The following HIF3A variants were observed in gnomAD, a reference collection of about 807,000 sequenced individuals.
The protein encoded by HIF3A is hypoxia inducible factor 3 subunit alpha, also known as hypoxia-inducible factor 3-alpha.
HIF3A carries 41 observed loss-of-function variants against 67.2 expected under a neutral mutation model. The observed-to-expected ratio is 0.61, with a 90% confidence interval of 0.48 to 0.79. The LOEUF is 0.79. Among genes scored for constraint, HIF3A ranks in the 30% least tolerant of loss-of-function variants. HIF3A has a pLI of 0.00. For missense variants in HIF3A, 855 were observed against 898.0 expected, an observed-to-expected ratio of 0.95 and a Z score of 0.61; for synonymous variants, 356 against 374.8, an observed-to-expected ratio of 0.95 and a Z score of 0.58.
intron 6 of HIF3A, 53 bp downstream of exon 6, chr19:46,309,412 C>T: frequency 8.9e-7 from 1 of 1,121,550 alleles, no homozygotes; most frequent in Non-Finnish European, 1.3e-6. Flanking sequence ...TGTTTCCCTC[C>T]CCACCTCCAC....
intron 3 of HIF3A, among the ~76,000 whole-genome samples, chr19:46,306,036 AC>A (rs1968820574): frequency 6.6e-6 from 1 of 152,128 alleles, no homozygotes; most frequent in South Asian, 2.1e-4. Flanking sequence ...CCAAGATTGC[AC>A]CAGTACACTC....
intron 8 of HIF3A, among the ~76,000 whole-genome samples, chr19:46,314,356 A>T (rs1425048595): frequency 1.4e-5 from 2 of 143,150 alleles, no homozygotes; most frequent in Non-Finnish European, 3.0e-5. Context: ...GCAAAAAAAG[A>T]AAAACAGAAA....
At chr19:46,308,331 C>T (rs749576536) in intron 4 of HIF3A, 26 bp downstream of exon 4, 24 of 1,449,724 alleles carry the variant, frequency 1.7e-5, no homozygotes, top group African/African-American at 1.4e-4. Context: ...GCCTCTGTCC[C>T]CACCATACAG....
chr19:46,308,456 A>C (rs1482429905), intron 4 of HIF3A, 151 bp downstream of exon 4: 2 of 652,396 alleles, frequency 3.1e-6, no homozygotes, highest in African/African-American at 1.8e-5. Context: ...TATGGGGACA[A>C]AGACCCTGCC....
intron 8 of HIF3A, among the ~76,000 whole-genome samples, chr19:46,319,166 T>C (rs985263139): frequency 6.6e-6 from 1 of 152,162 alleles, no homozygotes; most frequent in African/African-American, 2.4e-5. Flanking sequence ...CTCAGGTGTA[T>C]GTGAGCGCTC....
In HIF3A at chr19:46,297,185, G is replaced by T; in HGVS notation, c.26+83G>T. ...CCTGAGCTGGATTGTTGGGGGGGGT[G>T]GGGTTCGCGGGTGCGAGCCAAGAAC... is the stretch of plus-strand genomic sequence containing the variant. On this transcript the variant is annotated intron_variant, in intron 1 of 14. Coordinates refer to ENST00000377670, the MANE Select transcript of HIF3A (RefSeq NM_152795.4). The surrounding 1 kb of genome is among the most constrained non-coding windows in gnomAD (Gnocchi z 4.5). The T allele has an allele frequency of 1.4e-6, 1 of 735,710 alleles. No individual in the cohort carries two copies. Among genetic ancestry groups the T allele is most frequent in the East Asian group, 3.5e-5 (1 of 28,968 alleles). 45.6% of individuals were successfully genotyped at this position (735,710 alleles called of 1,614,324 possible).
At chr19:46,324,961 C>CATATATATATACATATATATAT (rs746767083) in intron 10 of HIF3A, among the ~76,000 whole-genome samples, 1 of 133,198 alleles carries the variant, frequency 7.5e-6, no homozygotes, top group African/African-American at 2.9e-5. Flanking sequence ...TATATATACA[C>CATATATATATACATATATATAT]ATACACACAC....
Position 46,321,746 on chromosome 19 carries a change from G to A in HIF3A, c.1145-30G>A, listed in dbSNP as rs377405459. On this transcript the variant is annotated intron_variant, in intron 9 of 14. Coordinates refer to ENST00000377670, the MANE Select transcript of HIF3A (RefSeq NM_152795.4). ...GCCCTTGGCCCTCAGTCACCAGCCC[G>A]TGTCCTCCCCATCTCCATGTGTCCT... 86 of 1,599,476 alleles carry A rather than the reference G, an allele frequency of 5.4e-5. No homozygotes were observed. In the South Asian group the frequency reaches 6.3e-4, roughly 12 times the overall value.
intron 8 of HIF3A, among the ~76,000 whole-genome samples, chr19:46,318,540 T>G (rs1181307654): frequency 9.9e-6 from 1 of 100,642 alleles, no homozygotes; most frequent in South Asian, 4.2e-4. Context: ...GAGAGTGAGA[T>G]CCTGTCTCAA....
chr19:46,310,757 G>GTTTTTTTTTTTTTTTTTTTTTT (rs1568512415), intron 6 of HIF3A: 1 of 324,638 alleles, frequency 3.1e-6, no homozygotes, highest in African/African-American at 2.2e-5. Context: ...ATTACTTTTT[G>GTTTTTTTTTTTTTTTTTTTTTT]TTGTTGTTGT....
chr19:46,312,730 T>TGTGTGTGC (rs1969556974), intron 8 of HIF3A, 77 bp downstream of exon 8: 7 of 1,508,424 alleles, frequency 4.6e-6, no homozygotes, highest in Non-Finnish European at 6.2e-6. Context: ...TGTGTGTGTG[T>TGTGTGTGC]GTGTGTGCGT....
chr19:46,300,996 C>T (rs953094584), intron 1 of HIF3A, among the ~76,000 whole-genome samples: 1 of 152,106 alleles, frequency 6.6e-6, no homozygotes, highest in Non-Finnish European at 1.5e-5. Flanking sequence ...TGTCGGGCCC[C>T]CAGCTCCGTG....
chr19:46,314,201 A>G (rs1362877285), intron 8 of HIF3A, among the ~76,000 whole-genome samples: 1 of 148,284 alleles, frequency 6.7e-6, no homozygotes, highest in Non-Finnish European at 1.5e-5. Flanking sequence ...GTTATATAGT[A>G]AGTGTATATT....
chr19:46,312,259 T>TC lies in HIF3A; in HGVS notation c.871dup (p.His291ProfsTer86), dbSNP rs1212930903. On this transcript the variant is annotated frameshift_variant, in exon 7 of 15. Coordinates refer to ENST00000377670, the MANE Select transcript of HIF3A (RefSeq NM_152795.4). LOFTEE classifies it high-confidence loss of function. ...GACTCCGATGCGGTCAGCAAGAGCA[T>TC]CCACACCTGTATGTATCCCATTTCC... The TC allele has an allele frequency of 1.9e-6, 3 of 1,613,738 alleles. No individual in the cohort carries two copies. The highest frequency in any genetic ancestry group is 2.5e-6 in the Non-Finnish European group (3 of 1,179,944).
At chr19:46,322,009 A>G (rs775055761) in intron 10 of HIF3A, 43 bp downstream of exon 10, 2 of 1,595,490 alleles carry the variant, frequency 1.3e-6, no homozygotes, top group Non-Finnish European at 1.7e-6. Flanking sequence ...TCCAGTGCTC[A>G]GTCCCTCAGG....
chr19:46,305,204 A>G (rs746302450), intron 2 of HIF3A, 41 bp from the exon 3 acceptor site: 1 of 1,612,966 alleles, frequency 6.2e-7, no homozygotes, highest in South Asian at 1.1e-5. Context: ...TCAGACCATA[A>G]CTGACTAGAG....
In HIF3A at chr19:46,303,992, C is replaced by G. The variant is rs1262659495; in HGVS notation, c.121C>G (p.Leu41Val). The G allele has an allele frequency of 6.3e-7, 1 of 1,599,464 alleles. No individual in the cohort carries two copies. Among genetic ancestry groups the G allele is most frequent in the South Asian group, 1.1e-5 (1 of 88,484 alleles). ...TEVLYQLAHT[L>V]PFARGVSAHL... Reference sequence around the variant, plus strand: ...GGTGCTGTACCAGCTGGCTCACACGCTGCCCTTCGCCCGCGGCGTCAGCGC... The same window carrying G: ...GGTGCTGTACCAGCTGGCTCACACGGTGCCCTTCGCCCGCGGCGTCAGCGC... The change falls in exon 2 of 15, where the codon CTG (leucine) becomes GTG (valine). Residue 41 changes from leucine to valine, a missense_variant. This residue lies in a region of HIF3A where 638 missense variants were observed against 660.5 expected (regional missense o/e 0.97). Coordinates refer to ENST00000377670, the MANE Select transcript of HIF3A (RefSeq NM_152795.4).
rs1333581493 is a variant in HIF3A, at chr19:46,329,375, C to A, written c.1609C>A (p.Pro537Thr). The A allele has an allele frequency of 1.2e-6, 2 of 1,612,226 alleles. No homozygotes were observed. Among genetic ancestry groups the A allele is most frequent in the African/African-American group, 1.3e-5 (1 of 74,920 alleles). ...TGGCCTGTCACCTCCAGCCCTTGAGCCCTCCCTGCTACCCCGCTGGGGGAG... is the reference window on the plus strand; with the variant it reads ...TGGCCTGTCACCTCCAGCCCTTGAGACCTCCCTGCTACCCCGCTGGGGGAG... ...FHGLSPPALE[P>T]SLLPRWGSDP... The change falls in exon 12 of 15, where the codon CCC becomes ACC. Residue 537 changes from proline to threonine, a missense_variant. Physicochemically the swap from Pro to Thr is conservative, Grantham distance 38. Transcript: ENST00000377670.
intron 1 of HIF3A, among the ~76,000 whole-genome samples, chr19:46,302,692 A>C (rs1399923530): frequency 6.6e-6 from 1 of 152,134 alleles, no homozygotes; most frequent in Non-Finnish European, 1.5e-5. Context: ...TGGGCAACAA[A>C]ATGACACACT....
Sources: gnomAD v4.1 joint callset for allele counts (sites outside exome capture counted in the v4.1 genomes callset) on GRCh38, gnomAD v4.1.1 for gene constraint, gnomAD v4.1.1 regional missense constraint, Gnocchi (gnomAD v3.1) non-coding constraint, MANE v1.5 for transcripts, NCBI Gene and HGNC (gene_info 2026-07-23, HGNC 2026-07-21) for gene names.